Variants in TECTA observed in about 807,000 individuals in gnomAD.
TECTA encodes the protein tectorin alpha.
Under a neutral mutation model 216.8 loss-of-function variants are expected in TECTA, and 128 were observed. That is an observed-to-expected ratio of 0.59 (90% CI 0.51 to 0.68). TECTA has a LOEUF of 0.68. Among genes scored for constraint, TECTA ranks in the 30% least tolerant of loss-of-function variants. The pLI, the probability that TECTA is intolerant of heterozygous loss-of-function variation, is 0.00. For synonymous variants in TECTA, 1,089 were observed against 1,117.1 expected (o/e 0.97, Z 0.50); for missense variants, 2,551 against 2,786.2 (o/e 0.92, Z 1.90).
Position 121,122,647 on chromosome 11 carries a change from G to A in TECTA, c.1204-2655G>A, listed in dbSNP as rs1015090679. ...GCTCAGGAGTTCAAGACCACCCTGG[G>A]CAGCATGGCAAAAGCCTGTCTCTCC... On this transcript the variant is annotated intron_variant, in intron 7 of 23. Transcript: ENST00000392793. Among the ~76,000 whole-genome samples the A allele has an allele frequency of 7.3e-5, 10 of 137,156 alleles. No homozygotes were observed. The East Asian group carries it at 8.7e-4, about 12-fold the overall frequency. 90.0% of individuals were successfully genotyped at this position (137,156 alleles called of 152,430 possible).
At chr11:121,123,387 C>T (rs965178242) in intron 7 of TECTA, among the ~76,000 whole-genome samples, 11 of 152,234 alleles carry the variant, frequency 7.2e-5, no homozygotes, top group South Asian at 2.1e-4. Context: ...AAAACCACCA[C>T]GTCCAGCTGT....
At chr11:121,176,442 T>C (rs1947167939) in intron 20 of TECTA, among the ~76,000 whole-genome samples, 2 of 134,150 alleles carry the variant, frequency 1.5e-5, no homozygotes, top group African/African-American at 6.5e-5. Context: ...CTCCTTCACT[T>C]ATGAAGCTTA....
intron 7 of TECTA, among the ~76,000 whole-genome samples, chr11:121,119,018 C>T (rs61901196): frequency 1.8e-4 from 14 of 77,352 alleles, no homozygotes; most frequent in Middle Eastern, 5.1e-3. Flanking sequence ...CACACACACA[C>T]ACACACACAC....
intron 7 of TECTA, among the ~76,000 whole-genome samples, chr11:121,120,793 G>A (rs1012985570): frequency 1.3e-4 from 20 of 152,298 alleles, no homozygotes; most frequent in Admixed American, 9.1e-4. Flanking sequence ...TTTCTTCCCC[G>A]CGTGAACACG....
chr11:121,105,156 A>G lies in TECTA; in HGVS notation c.65-675A>G, dbSNP rs536247106. Reference sequence around the variant, plus strand: ...GGCTCTCCAGTGACCAGGAGGACCAATCAGAGCCCTGCAATTCATTCTCTC... The same window carrying G: ...GGCTCTCCAGTGACCAGGAGGACCAGTCAGAGCCCTGCAATTCATTCTCTC... On this transcript the variant is annotated intron_variant, in intron 2 of 23. Transcript: ENST00000392793. The surrounding 1 kb of genome is among the most constrained non-coding windows in gnomAD (Gnocchi z 5.3). Among the ~76,000 whole-genome samples the G allele has an allele frequency of 3.3e-5, 5 of 152,318 alleles. No individual in the cohort carries two copies. Among genetic ancestry groups the G allele is most frequent in the East Asian group, 1.9e-4 (1 of 5,180 alleles).
chr11:121,189,202 T>G (rs777739128), intron 22 of TECTA, 35 bp downstream of exon 22: 1 of 1,601,370 alleles, frequency 6.2e-7, no homozygotes, highest in South Asian at 1.1e-5. Context: ...CCTAAATTAT[T>G]AAAACAACGG....
Position 121,189,061 on chromosome 11 carries a change from CT to C in TECTA, c.6163-18del, listed in dbSNP as rs762465019. ...AGCTTAATTGTGTGAAAATTTCCCCCTGGTATTCTGTCTTGCAGACTTGCCC... is the reference window on the plus strand; with the variant it reads ...AGCTTAATTGTGTGAAAATTTCCCCCGGTATTCTGTCTTGCAGACTTGCCC... On this transcript the variant is annotated intron_variant, in intron 21 of 23. Transcript: ENST00000392793. The C allele has an allele frequency of 3.1e-6, 5 of 1,613,528 alleles. No individual in the cohort carries two copies. Among genetic ancestry groups the C allele is most frequent in the East Asian group, 2.2e-5 (1 of 44,878 alleles).
intron 14 of TECTA, 29 bp downstream of exon 14, chr11:121,158,253 AG>A (rs749983549): frequency 6.2e-7 from 1 of 1,607,082 alleles, no homozygotes; most frequent in Admixed American, 1.7e-5. Flanking sequence ...ATTCTTAAGA[AG>A]GGGCCCGGAA....
At chr11:121,128,918 G>T (rs1946643755) in intron 9 of TECTA, among the ~76,000 whole-genome samples, 1 of 152,136 alleles carries the variant, frequency 6.6e-6, no homozygotes, top group East Asian at 1.9e-4. Context: ...GCTCTAGAAG[G>T]AATATTGAGA....
Position 121,129,675 on chromosome 11 carries a change from C to A in TECTA, c.2405C>A (p.Pro802His). 1 of 1,614,142 alleles carries A rather than the reference C, an allele frequency of 6.2e-7. No individual in the cohort carries two copies. Among genetic ancestry groups the A allele is most frequent in the Non-Finnish European group, 8.5e-7 (1 of 1,180,020 alleles). The change falls in exon 10 of 24, where the codon CCT becomes CAT. Residue 802 changes from proline to histidine, a missense_variant. Around this residue, in one of 3 missense-constraint regions of TECTA, gnomAD observed 2,375 missense variants for 2,563.9 expected, o/e 0.93. Coordinates refer to ENST00000392793, the MANE Select transcript of TECTA (RefSeq NM_005422.4). ...GAAGTGGAATTGCCTTTTTTCCATC[C>A]TTCGGGGAAGCTGGAAATTTATCGA... is the stretch of plus-strand genomic sequence containing the variant. ...GQEVELPFFH[P>H]SGKLEIYRNK... is the part of the protein sequence containing the mutation.
Position 121,130,057 on chromosome 11 carries a change from GGTGAACGTCACTGC to G in TECTA, c.2788_2801del (p.Val930LeufsTer16). 6.2e-7 allele frequency: 1 copy of G among 1,614,148 alleles called. No individual in the cohort carries two copies. The highest frequency in any genetic ancestry group is 1.3e-5 in the African/African-American group (1 of 75,058). On this transcript the variant is annotated frameshift_variant, in exon 10 of 24. Transcript: ENST00000392793. LOFTEE classifies it high-confidence loss of function. ...GCTCCTTCCTGGAGTGCCATGGGGT[GGTGAACGTCACTGC>G]CTATTACCGCACCTGCCTTTTCCGC...
intron 20 of TECTA, among the ~76,000 whole-genome samples, chr11:121,183,718 T>C (rs1947254358): frequency 6.6e-6 from 1 of 152,162 alleles, no homozygotes; most frequent in African/African-American, 2.4e-5. Context: ...AGAGCAAGAC[T>C]CCATCTCAAA....
intron 20 of TECTA, among the ~76,000 whole-genome samples, chr11:121,186,803 A>C (rs1034956651): frequency 1.3e-5 from 2 of 152,228 alleles, no homozygotes; most frequent in Non-Finnish European, 2.9e-5. Flanking sequence ...AGGAAATATA[A>C]GGAAAAGAGT....
intron 20 of TECTA, among the ~76,000 whole-genome samples, chr11:121,180,813 CTTTTT>C (rs34807486): frequency 5.8e-5 from 7 of 119,986 alleles, no homozygotes; most frequent in Non-Finnish European, 1.2e-4. Context: ...TTTCTTATTC[CTTTTT>C]TTTTTTTTTT....
chr11:121,137,397 C>T (rs747614344), intron 10 of TECTA, 24 bp from the exon 11 acceptor site: 18 of 1,613,636 alleles, frequency 1.1e-5, no homozygotes, highest in African/African-American at 9.4e-5. Flanking sequence ...TTCTCAAACC[C>T]GTCTTCTCCT....
intron 6 of TECTA, among the ~76,000 whole-genome samples, chr11:121,115,508 T>G (rs1486958166): frequency 6.6e-6 from 1 of 152,176 alleles, no homozygotes; most frequent in Non-Finnish European, 1.5e-5. Context: ...ATGGGAAAAG[T>G]GTTTCCAGAC....
rs75043080 is a variant in TECTA, at chr11:121,178,923, T to C, written c.6000-8909T>C. On this transcript the variant is annotated intron_variant, in intron 20 of 23. Coordinates refer to ENST00000392793, the MANE Select transcript of TECTA (RefSeq NM_005422.4). ...GTAATGATTCTTTGTATTTCTGTGG[T>C]ATCAGTAGTATTATCTTCTTTTTTA... Among the ~76,000 whole-genome samples, 760 of 152,300 alleles carry C rather than the reference T, an allele frequency of 5.0e-3. 9 individuals are homozygous for C. The highest frequency in any genetic ancestry group is 0.017 in the African/African-American group (712 of 41,560).
At chr11:121,122,986 T>G (rs995434215) in intron 7 of TECTA, among the ~76,000 whole-genome samples, 1 of 152,220 alleles carries the variant, frequency 6.6e-6, no homozygotes, top group African/African-American at 2.4e-5. Flanking sequence ...CAACTACTAA[T>G]CTATAGAGAC....
chr11:121,147,903 T>C (rs1297509045), intron 12 of TECTA, among the ~76,000 whole-genome samples: 20 of 152,088 alleles, frequency 1.3e-4, no homozygotes, highest in Admixed American at 1.1e-3. Context: ...CTCACCTCAA[T>C]TGATGGGTCT....
Sources: allele counts gnomAD v4.1 joint callset (sites outside exome capture counted in the v4.1 genomes callset), GRCh38; gene constraint gnomAD v4.1.1; regional missense constraint gnomAD v4.1.1; non-coding constraint Gnocchi (gnomAD v3.1); transcripts MANE v1.5; gene names NCBI Gene and HGNC (gene_info 2026-07-23, HGNC 2026-07-21).